AMOTL1: variants seen among roughly 807,000 people sequenced by gnomAD.
The protein encoded by AMOTL1 is angiomotin like 1.
In AMOTL1, 45 loss-of-function variants were observed where a neutral mutation model predicts 102.9. The observed-to-expected ratio is 0.44, with a 90% CI of 0.34 to 0.56. The LOEUF (loss-of-function observed/expected upper bound fraction) is 0.56. AMOTL1 is among the 20% of genes least tolerant of loss of function. AMOTL1 has a pLI of 0.01. For synonymous variants in AMOTL1, 481 were observed against 484.7 expected, an observed-to-expected ratio of 0.99 and a Z score of 0.10; for missense variants, 1,114 against 1,225.6, an observed-to-expected ratio of 0.91 and a Z score of 1.36.
intron 3 of AMOTL1, among the ~76,000 whole-genome samples, chr11:94,747,322 G>A (rs1950600983): frequency 6.6e-6 from 1 of 152,102 alleles, no homozygotes; most frequent in South Asian, 2.1e-4. Flanking sequence ...AGTTGGTGCT[G>A]TCTCTGCTCA....
At chr11:94,737,856 G>A (rs1950457850) in intron 2 of AMOTL1, among the ~76,000 whole-genome samples, 1 of 152,212 alleles carries the variant, frequency 6.6e-6, no homozygotes, top group Admixed American at 6.5e-5. Context: ...ACCTATTTAG[G>A]CTGCTTGTAA....
chr11:94,865,878 TA>T, intron 10 of AMOTL1, 63 bp from the exon 11 acceptor site: 1 of 1,402,898 alleles, frequency 7.1e-7, no homozygotes, highest in Non-Finnish European at 9.9e-7. Flanking sequence ...CAGCCTGAGA[TA>T]AATGTTTCAA....
At chr11:94,840,715 T>C (rs1034070812) in intron 6 of AMOTL1, among the ~76,000 whole-genome samples, 1 of 147,380 alleles carries the variant, frequency 6.8e-6, no homozygotes, top group Non-Finnish European at 1.5e-5. Flanking sequence ...CACATATATA[T>C]ATACATATAT....
At chr11:94,717,994 T>C (rs1950121404) in intron 1 of AMOTL1, among the ~76,000 whole-genome samples, 1 of 151,910 alleles carries the variant, frequency 6.6e-6, no homozygotes, top group Non-Finnish European at 1.5e-5. Flanking sequence ...ATTACAAATT[T>C]AATAAATATG....
chr11:94,778,357 C>T (rs1340955228), intron 1 of AMOTL1, among the ~76,000 whole-genome samples: 2 of 152,096 alleles, frequency 1.3e-5, no homozygotes, highest in Admixed American at 6.5e-5. Context: ...CTGTGGTGTG[C>T]CCTTTGGATA....
intron 3 of AMOTL1, among the ~76,000 whole-genome samples, chr11:94,750,932 AT>A (rs1950646220): frequency 6.6e-6 from 1 of 152,160 alleles, no homozygotes; most frequent in African/African-American, 2.4e-5. Flanking sequence ...AGCAGATGAA[AT>A]TATTTTCATT....
At chr11:94,706,466 T>G (rs1286738978) in exon 1 of AMOTL1, 2 of 152,248 alleles carry the variant, frequency 1.3e-5, no homozygotes, top group Non-Finnish European at 2.9e-5. Flanking sequence ...CGTTGCTCTT[T>G]TTAAACTCCA....
chr11:94,712,411 G>A (rs1055351031), intron 1 of AMOTL1, among the ~76,000 whole-genome samples: 7 of 151,928 alleles, frequency 4.6e-5, no homozygotes, highest in Admixed American at 6.6e-5. Context: ...AGAAAACCTA[G>A]AAAATCAGTC....
At chr11:94,742,043 A>G (rs1415231956) in intron 3 of AMOTL1, among the ~76,000 whole-genome samples, 1 of 152,186 alleles carries the variant, frequency 6.6e-6, no homozygotes, top group East Asian at 1.9e-4. Flanking sequence ...ATTCATTTCT[A>G]GGAGCCAAGC....
chr11:94,796,904 A>G (rs974092094), intron 2 of AMOTL1: 17 of 625,350 alleles, frequency 2.7e-5, no homozygotes, highest in Non-Finnish European at 3.2e-5. Flanking sequence ...ATATACATAT[A>G]TGTATATATC....
Position 94,768,380 on chromosome 11 carries a change from A to G in AMOTL1, c.-132A>G. On this transcript the variant is annotated 5_prime_UTR_variant, in exon 1 of 13. Coordinates refer to ENST00000433060, the MANE Select transcript of AMOTL1 (RefSeq NM_130847.3). ...GAGCGCGCGAGAAGCTCTAGGACCC[A>G]GCAGCGGTTGTCGGGTTTGGGGCTG... is the stretch of plus-strand genomic sequence containing the variant. 6.7e-7 allele frequency: 1 copy of G among 1,491,946 alleles called. No individual in the cohort carries two copies. The highest frequency in any genetic ancestry group is 8.9e-7 in the Non-Finnish European group (1 of 1,120,510). 92.4% of individuals were successfully genotyped at this position (1,491,946 alleles called of 1,614,324 possible). A position where few individuals can be genotyped will look rare whatever the true frequency, so the allele number is the denominator to read the frequency against.
intron 3 of AMOTL1, among the ~76,000 whole-genome samples, chr11:94,810,490 T>G (rs1177931066): frequency 1.1e-5 from 1 of 91,616 alleles, no homozygotes; most frequent in African/African-American, 4.3e-5. Context: ...AATAACTATT[T>G]TAGTCCAAAA....
intron 8 of AMOTL1, among the ~76,000 whole-genome samples, chr11:94,858,380 A>G (rs1405072323): frequency 1.3e-5 from 2 of 152,228 alleles, no homozygotes; most frequent in Middle Eastern, 3.2e-3. Flanking sequence ...ACTGAATAAA[A>G]ACAAAATTTG....
intron 7 of AMOTL1, among the ~76,000 whole-genome samples, chr11:94,853,426 T>G (rs1952589362): frequency 6.6e-6 from 1 of 152,186 alleles, no homozygotes; most frequent in Admixed American, 6.5e-5. Flanking sequence ...TGTGTTAGTT[T>G]GCTGAGAATG....
intron 9 of AMOTL1, among the ~76,000 whole-genome samples, chr11:94,861,540 G>A (rs1445960180): frequency 6.6e-6 from 1 of 152,188 alleles, no homozygotes; most frequent in African/African-American, 2.4e-5. Context: ...GTTGCACAGG[G>A]AGGCAGGACA....
rs1405052546 is a variant in AMOTL1, at chr11:94,788,389, CT to C, written c.50-6619del. ...CTCTCTATTCCTTAAAGAGACAACA[CT>C]TTCATAACCCAGTCCTATGCTTTTG... is the stretch of plus-strand genomic sequence containing the variant. On this transcript the variant is annotated intron_variant, in intron 1 of 12. Transcript: ENST00000433060. 4.6e-5 allele frequency among the ~76,000 whole-genome samples: 7 copies of C among 152,344 alleles called. No individual in the cohort carries two copies. The East Asian group carries it at 1.4e-3, about 29-fold the overall frequency.
chr11:94,848,014 A>G (rs769378554), intron 6 of AMOTL1, among the ~76,000 whole-genome samples: 2 of 152,180 alleles, frequency 1.3e-5, no homozygotes, highest in Admixed American at 6.5e-5. Context: ...CCTGTGGTTC[A>G]TCTCCAGGAT....
chr11:94,714,059 C>T (rs1376578810), intron 1 of AMOTL1, among the ~76,000 whole-genome samples: 1 of 151,970 alleles, frequency 6.6e-6, no homozygotes, highest in Non-Finnish European at 1.5e-5. Context: ...GAGGAAGCTT[C>T]CCTTTATTCC....
intron 1 of AMOTL1, among the ~76,000 whole-genome samples, chr11:94,709,155 G>C (rs1380411933): frequency 6.6e-6 from 1 of 152,170 alleles, no homozygotes; most frequent in Non-Finnish European, 1.5e-5. Flanking sequence ...CTTCCCACAG[G>C]AGTTTAATGC....
Sources: gnomAD v4.1 joint callset for allele counts (sites outside exome capture counted in the v4.1 genomes callset) on GRCh38, gnomAD v4.1.1 for gene constraint, MANE v1.5 for transcripts, NCBI Gene and HGNC (gene_info 2026-07-23, HGNC 2026-07-21) for gene names.